The following NIBAN1 variants were observed in gnomAD, a reference collection of about 807,000 sequenced individuals.
The protein encoded by NIBAN1 is protein Niban 1.
NIBAN1 carries 81 observed loss-of-function variants against 75.1 expected under a neutral mutation model. That is an observed-to-expected ratio of 1.08 (90% CI 0.90 to 1.30). The LOEUF (loss-of-function observed/expected upper bound fraction) is 1.30. Ranked by LOEUF, NIBAN1 falls within the 50% of genes most tolerant of loss-of-function variation. The pLI, the probability that NIBAN1 is intolerant of heterozygous loss-of-function variation, is 0.00. For synonymous variants in NIBAN1, 436 were observed against 424.8 expected, an observed-to-expected ratio of 1.03 and a Z score of -0.32; for missense variants, 1,133 against 1,128.1, an observed-to-expected ratio of 1.00 and a Z score of -0.06.
At chr1:184,833,443 C>T (rs992495554) in intron 5 of NIBAN1, among the ~76,000 whole-genome samples, 1 of 151,940 alleles carries the variant, frequency 6.6e-6, no homozygotes, top group Non-Finnish European at 1.5e-5. Flanking sequence ...GGTGGTGGCT[C>T]GCACCTGTAA....
chr1:184,823,867 A>AAC, intron 6 of NIBAN1, 125 bp from the exon 7 acceptor site: 10 of 706,906 alleles, frequency 1.4e-5, no homozygotes, highest in Non-Finnish European at 2.2e-5. Context: ...TAGTAGGTTA[A>AAC]TAGTTTAACC....
chr1:184,833,662 A>G (rs1655056458), intron 5 of NIBAN1, among the ~76,000 whole-genome samples: 2 of 152,090 alleles, frequency 1.3e-5, no homozygotes, highest in South Asian at 2.1e-4. Flanking sequence ...TAACTGCACA[A>G]TTGCACCCTA....
chr1:184,822,947 G>A (rs1426133151), intron 8 of NIBAN1, among the ~76,000 whole-genome samples: 1 of 151,864 alleles, frequency 6.6e-6, no homozygotes, highest in Non-Finnish European at 1.5e-5. Flanking sequence ...CACTGCCAAA[G>A]GCAAGAAACA....
At chr1:184,851,953 C>T (rs1338515109) in intron 5 of NIBAN1, among the ~76,000 whole-genome samples, 2 of 151,892 alleles carry the variant, frequency 1.3e-5, no homozygotes, top group East Asian at 1.9e-4. Context: ...CTCCCGTGAG[C>T]GCTGGCAGCT....
At chr1:184,831,750 A>G in intron 6 of NIBAN1, 97 bp downstream of exon 6, 1 of 870,982 alleles carries the variant, frequency 1.1e-6, no homozygotes, top group Non-Finnish European at 1.9e-6. Flanking sequence ...CCATACTTGC[A>G]ACTTTTCTGT....
chr1:184,967,851 G>A (rs1461162290), intron 1 of NIBAN1, among the ~76,000 whole-genome samples: 3 of 152,188 alleles, frequency 2.0e-5, no homozygotes, highest in Non-Finnish European at 4.4e-5. Context: ...AAGTACAGGA[G>A]AAAATGTTAA....
chr1:184,887,278 G>A (rs928445933), intron 4 of NIBAN1, among the ~76,000 whole-genome samples: 4 of 152,182 alleles, frequency 2.6e-5, no homozygotes, highest in Admixed American at 6.5e-5. Context: ...CTAGCACAAT[G>A]CTGGGAATGA....
intron 6 of NIBAN1, among the ~76,000 whole-genome samples, chr1:184,829,250 A>C (rs1042041278): frequency 6.6e-6 from 1 of 152,074 alleles, no homozygotes; most frequent in African/African-American, 2.4e-5. Context: ...AATGCTTTAC[A>C]ATCTCCATCT....
intron 5 of NIBAN1, among the ~76,000 whole-genome samples, chr1:184,871,694 C>T (rs1457462616): frequency 6.6e-6 from 1 of 152,130 alleles, no homozygotes; most frequent in African/African-American, 2.4e-5. Context: ...CTTAAGCTAC[C>T]TTTTTCTAGC....
chr1:184,910,383 A>G (rs1013228673), intron 1 of NIBAN1, among the ~76,000 whole-genome samples: 3 of 152,132 alleles, frequency 2.0e-5, no homozygotes, highest in African/African-American at 7.2e-5. Flanking sequence ...TGGGATCACA[A>G]TCGTCCTTTC....
At chr1:184,954,595 A>C (rs1029720108) in intron 1 of NIBAN1, among the ~76,000 whole-genome samples, 9 of 152,142 alleles carry the variant, frequency 5.9e-5, no homozygotes, top group Non-Finnish European at 1.3e-4. Flanking sequence ...AATTATACTT[A>C]AGTTTTAAGT....
intron 5 of NIBAN1, among the ~76,000 whole-genome samples, chr1:184,878,893 C>G (rs551396502): frequency 1.3e-5 from 2 of 152,234 alleles, no homozygotes; most frequent in East Asian, 3.9e-4. Flanking sequence ...CCATGAAAGT[C>G]CCTCCCAAAT....
At chr1:184,886,808 G>A (rs1053777759) in intron 4 of NIBAN1, among the ~76,000 whole-genome samples, 1 of 152,118 alleles carries the variant, frequency 6.6e-6, no homozygotes, top group African/African-American at 2.4e-5. Flanking sequence ...GACCACATGG[G>A]AGTCTACAGA....
chr1:184,906,502 T>C (rs1446191496), intron 1 of NIBAN1, among the ~76,000 whole-genome samples: 1 of 152,024 alleles, frequency 6.6e-6, no homozygotes, highest in Non-Finnish European at 1.5e-5. Context: ...TGGTGGCGCA[T>C]GCCTGTAATC....
chr1:184,888,059 T>C (rs1656572118), intron 4 of NIBAN1: 1 of 152,256 alleles, frequency 6.6e-6, no homozygotes, highest in African/African-American at 2.4e-5. Flanking sequence ...CATAGTGGCA[T>C]GTAGCTGTGG....
intron 1 of NIBAN1, among the ~76,000 whole-genome samples, chr1:184,969,248 T>C (rs1048168462): frequency 2.0e-5 from 3 of 152,202 alleles, no homozygotes; most frequent in African/African-American, 4.8e-5. Flanking sequence ...ATTTAGTGGC[T>C]CTCACAATAC....
chr1:184,792,414 C>G lies in NIBAN1; in HGVS notation c.*2563G>C, dbSNP rs1242837661. Reference sequence around the variant, plus strand: ...ACTCTCTTTTAGGGTTGAAAAAAATCTCTTAGCTTTCCAGGGGGTGCAAGA... The same window carrying G: ...ACTCTCTTTTAGGGTTGAAAAAAATGTCTTAGCTTTCCAGGGGGTGCAAGA... On this transcript the variant is annotated 3_prime_UTR_variant, in exon 14 of 14. Coordinates refer to ENST00000367511, the MANE Select transcript of NIBAN1 (RefSeq NM_052966.4). 1 of 152,630 alleles carries G rather than the reference C, an allele frequency of 6.6e-6. No homozygotes were observed. Among genetic ancestry groups the G allele is most frequent in the Admixed American group, 6.5e-5 (1 of 15,286 alleles). The allele number at this position is 152,630 out of a possible 1,614,324, so 9.5% of individuals were successfully genotyped here. A position where few individuals can be genotyped will look rare whatever the true frequency, so the allele number is the denominator to read the frequency against.
rs182764167 is a variant in NIBAN1 at position 184,842,661 on chromosome 1, G to A, written c.602-10699C>T. Among the ~76,000 whole-genome samples, 9 of 150,974 alleles carry A rather than the reference G, an allele frequency of 6.0e-5. No individual in the cohort carries two copies. The East Asian group carries it at 1.8e-3, about 29-fold the overall frequency. On this transcript the variant is annotated intron_variant, in intron 5 of 13. Coordinates refer to ENST00000367511, the MANE Select transcript of NIBAN1 (RefSeq NM_052966.4). ...CTAGCTACTCTAGAAGCTGAGGCAGGAGAATCACTTGAACCCGGGAGGCGG... is the reference window on the plus strand; with the variant it reads ...CTAGCTACTCTAGAAGCTGAGGCAGAAGAATCACTTGAACCCGGGAGGCGG...
rs954321732 is a variant in NIBAN1 at position 184,852,218 on chromosome 1, C to T, written c.602-20256G>A. 5.3e-5 allele frequency among the ~76,000 whole-genome samples: 8 copies of T among 152,306 alleles called. 1 individual carries two copies. The East Asian group carries it at 1.5e-3, about 29-fold the overall frequency. On this transcript the variant is annotated intron_variant, in intron 5 of 13. Transcript: ENST00000367511. Reference sequence around the variant, plus strand: ...ACTCAGAAGAGATCTCCACTGCCTCCTTCAAATGTTCTGCTTTTCAGGAAT... The same window carrying T: ...ACTCAGAAGAGATCTCCACTGCCTCTTTCAAATGTTCTGCTTTTCAGGAAT...
Sources: allele counts gnomAD v4.1 joint callset (sites outside exome capture counted in the v4.1 genomes callset), GRCh38; gene constraint gnomAD v4.1.1; transcripts MANE v1.5; gene names NCBI Gene and HGNC (gene_info 2026-07-23, HGNC 2026-07-21).